Variants in ATRX observed in about 807,000 individuals in gnomAD.
The protein encoded by ATRX is chromatin remodeler ATRX.
ATRX carries 12 observed loss-of-function variants against 172.6 expected under a neutral mutation model. The observed-to-expected ratio is 0.07, with a 90% CI of 0.04 to 0.11. The LOEUF is 0.11. ATRX is among the 10% of genes least tolerant of loss of function. ATRX has a pLI of 1.00. For missense variants in ATRX, 1,368 were observed against 1,767.4 expected (o/e 0.77, Z 4.05); for synonymous variants, 674 against 594.7 (o/e 1.13, Z -1.94).
intron 1 of ATRX, among the ~76,000 whole-genome samples, chrX:77,766,619 G>A (rs1271675799): frequency 5.9e-4 from 62 of 105,933 alleles, no homozygotes; most frequent in Non-Finnish European, 9.5e-4. Flanking sequence ...CATCTCAGAC[G>A]ATGAGCGGCC....
At chrX:77,544,976 C>T (rs1431684527) in intron 30 of ATRX, among the ~76,000 whole-genome samples, 1 of 111,520 alleles carries the variant, frequency 9.0e-6, no homozygotes. Context: ...TGAACAGACA[C>T]TTCTCAAAAG....
chrX:77,698,744 T>C, intron 2 of ATRX, 115 bp from the exon 3 acceptor site: 1 of 569,311 alleles, frequency 1.8e-6, no homozygotes, highest in Non-Finnish European at 3.0e-6. Context: ...GGCAGTATTG[T>C]TAACATACTA....
chrX:77,783,243 A>T (rs782531591), intron 1 of ATRX, among the ~76,000 whole-genome samples: 43 of 111,981 alleles, frequency 3.8e-4, no homozygotes, highest in Non-Finnish European at 7.0e-4. Flanking sequence ...TCAAAAAAAT[A>T]AATTTAAAAA....
chrX:77,699,860 A>C (rs1557152445), intron 2 of ATRX, among the ~76,000 whole-genome samples: 1 of 112,068 alleles, frequency 8.9e-6, no homozygotes, highest in Non-Finnish European at 1.9e-5. Flanking sequence ...TTAAAAAAGG[A>C]CTAATACCAA....
intron 6 of ATRX, chrX:77,690,653 T>C (rs1182156266): frequency 4.5e-5 from 5 of 111,183 alleles, no homozygotes; most frequent in African/African-American, 1.6e-4. Context: ...AGTTTGATCT[T>C]GGGTATTCAT....
intron 15 of ATRX, among the ~76,000 whole-genome samples, chrX:77,641,720 A>G (rs949942584): frequency 9.0e-6 from 1 of 111,575 alleles, no homozygotes; most frequent in Non-Finnish European, 1.9e-5. Context: ...AAGTGGATTA[A>G]TATCATAATA....
chrX:77,685,625 T>G (rs1361886969), intron 7 of ATRX, among the ~76,000 whole-genome samples: 1 of 111,511 alleles, frequency 9.0e-6, no homozygotes, highest in African/African-American at 3.3e-5. Flanking sequence ...TAGAAAACAG[T>G]TGGGAGATTC....
At chrX:77,605,071 C>G (rs937924715) in intron 22 of ATRX, among the ~76,000 whole-genome samples, 1 of 111,968 alleles carries the variant, frequency 8.9e-6, no homozygotes, top group South Asian at 3.7e-4. Context: ...TGTGTATACA[C>G]TAAAAGCCCT....
intron 4 of ATRX, 110 bp downstream of exon 4, chrX:77,697,473 T>C (rs904563960): frequency 2.8e-6 from 2 of 713,619 alleles, no homozygotes; most frequent in Non-Finnish European, 4.3e-6. Flanking sequence ...TTGTATAGAA[T>C]AGTTAACTCA....
chrX:77,752,309 T>C (rs909562760), intron 1 of ATRX, among the ~76,000 whole-genome samples: 6 of 111,763 alleles, frequency 5.4e-5, no homozygotes, highest in African/African-American at 9.8e-5. Flanking sequence ...ATGCTTATGA[T>C]TTTTGCACAC....
At chrX:77,702,324 T>C (rs943375165) in intron 2 of ATRX, among the ~76,000 whole-genome samples, 2 of 111,768 alleles carry the variant, frequency 1.8e-5, no homozygotes, top group African/African-American at 6.5e-5. Flanking sequence ...GTGCCTGTAA[T>C]CCCAGCTACT....
At chrX:77,645,606 C>A (rs1557113259) in intron 15 of ATRX, among the ~76,000 whole-genome samples, 1 of 111,712 alleles carries the variant, frequency 9.0e-6, no homozygotes, top group Non-Finnish European at 1.9e-5. Flanking sequence ...TAACTCAAAG[C>A]CATATAAAGA....
Position 77,718,833 on chromosome X carries a change from C to G in ATRX, c.21-1590G>C, listed in dbSNP as rs1054367073. 1.5e-4 allele frequency among the ~76,000 whole-genome samples: 17 copies of G among 111,321 alleles called. 1 individual carries two copies. The highest frequency in any genetic ancestry group is 5.6e-4 in the African/African-American group (17 of 30,586). On this transcript the variant is annotated intron_variant, in intron 1 of 34. Coordinates refer to ENST00000373344, the MANE Select transcript of ATRX (RefSeq NM_000489.6). ...CACAGGCTTGAGCACAGTGGCGTGACCTTGACTCACTGAGGTCTCAAAACT... is the reference window on the plus strand; with the variant it reads ...CACAGGCTTGAGCACAGTGGCGTGAGCTTGACTCACTGAGGTCTCAAAACT...
intron 2 of ATRX, among the ~76,000 whole-genome samples, chrX:77,712,869 G>A (rs2073181180): frequency 9.0e-6 from 1 of 110,734 alleles, no homozygotes. Context: ...ACTGGGGATA[G>A]GCTGGGCACA....
chrX:77,624,397 A>C (rs982302033), intron 19 of ATRX, among the ~76,000 whole-genome samples: 5 of 111,278 alleles, frequency 4.5e-5, no homozygotes, highest in African/African-American at 1.6e-4. Flanking sequence ...AAAAAAAGAA[A>C]TAAAGGGAAT....
At chrX:77,618,564 GAT>G (rs1460374772) in intron 21 of ATRX, among the ~76,000 whole-genome samples, 1 of 111,693 alleles carries the variant, frequency 9.0e-6, no homozygotes, top group African/African-American at 3.2e-5. Context: ...AACATAATAA[GAT>G]ATGAGGCTTT....
chrX:77,658,748 T>C (rs5912750), intron 12 of ATRX, among the ~76,000 whole-genome samples: 1,982 of 111,338 alleles, frequency 0.018, 20 homozygotes, highest in Middle Eastern at 0.051. Context: ...GGCCCACAGG[T>C]GCAGTTTGTA....
intron 30 of ATRX, among the ~76,000 whole-genome samples, chrX:77,541,630 G>A (rs1357203258): frequency 2.7e-5 from 3 of 111,688 alleles, no homozygotes; most frequent in African/African-American, 6.5e-5. Flanking sequence ...CAATCAAGTC[G>A]GCTTCATCCC....
At chrX:77,687,319 A>T (rs2071635347) in intron 7 of ATRX, among the ~76,000 whole-genome samples, 1 of 111,469 alleles carries the variant, frequency 9.0e-6, no homozygotes, top group Non-Finnish European at 1.9e-5. Context: ...ATACAGCTAA[A>T]CAATTAATCT....
Sources: gnomAD v4.1 joint callset for allele counts (sites outside exome capture counted in the v4.1 genomes callset) on GRCh38, gnomAD v4.1.1 for gene constraint, MANE v1.5 for transcripts, NCBI Gene and HGNC (gene_info 2026-07-23, HGNC 2026-07-21) for gene names.